The following IFT80 variants were observed in gnomAD, a reference collection of about 807,000 sequenced individuals.
IFT80 encodes intraflagellar transport protein 80 homolog.
In IFT80, 79 loss-of-function variants were observed where a neutral mutation model predicts 107.9. The ratio of observed to expected loss-of-function variants is 0.73; its 90% CI spans 0.61 to 0.88. The LOEUF is 0.88. Among genes scored for constraint, IFT80 ranks in the 40% least tolerant of loss-of-function variants. The pLI is 0.00. For synonymous variants in IFT80, 299 were observed against 300.9 expected (o/e 0.99, Z 0.07); for missense variants, 797 against 914.2 (o/e 0.87, Z 1.65).
At chr3:160,335,710 G>C (rs1217886469) in intron 8 of IFT80, among the ~76,000 whole-genome samples, 1 of 151,946 alleles carries the variant, frequency 6.6e-6, no homozygotes, top group Non-Finnish European at 1.5e-5. Context: ...TTAAAATATA[G>C]AATTCAGTAG....
chr3:160,383,473 C>T (rs1712683471), intron 2 of IFT80: 2 of 965,284 alleles, frequency 2.1e-6, no homozygotes, highest in Non-Finnish European at 2.5e-6. Flanking sequence ...TAAATCAGTG[C>T]TTTCCTAGTT....
At chr3:160,280,861 G>A (rs775551789) in intron 14 of IFT80, 47 bp from the exon 15 acceptor site, 1 of 1,513,430 alleles carries the variant, frequency 6.6e-7, no homozygotes, top group South Asian at 1.2e-5. Flanking sequence ...TAATATGTAA[G>A]AATTAAAAAT....
intron 18 of IFT80, among the ~76,000 whole-genome samples, chr3:160,274,090 T>C (rs1714044393): frequency 6.6e-6 from 1 of 152,100 alleles, no homozygotes; most frequent in Non-Finnish European, 1.5e-5. Flanking sequence ...GATATAAGGA[T>C]AGCAGGGAAA....
At chr3:160,322,034 AT>A (rs1718267503) in intron 8 of IFT80, among the ~76,000 whole-genome samples, 2 of 145,734 alleles carry the variant, frequency 1.4e-5, no homozygotes, top group African/African-American at 2.5e-5. Flanking sequence ...TTATTTATTT[AT>A]TTATTTATTA....
At chr3:160,322,003 GTTATTTATTTAT>G (rs145027648) in intron 8 of IFT80, among the ~76,000 whole-genome samples, 135 of 146,466 alleles carry the variant, frequency 9.2e-4, no homozygotes, top group East Asian at 1.0e-3. Context: ...TTGTCAGCTT[GTTATTTATTTAT>G]TTATTTATTT....
intron 8 of IFT80, among the ~76,000 whole-genome samples, chr3:160,324,356 T>C (rs925090279): frequency 2.0e-5 from 3 of 152,176 alleles, no homozygotes; most frequent in East Asian, 3.9e-4. Context: ...ATATCCTTGA[T>C]GAACATTGAT....
chr3:160,387,662 T>C (rs574136868), intron 1 of IFT80, among the ~76,000 whole-genome samples: 1 of 152,310 alleles, frequency 6.6e-6, no homozygotes, highest in African/African-American at 2.4e-5. Context: ...AGGTTTCTAT[T>C]AGACAACCCA....
intron 15 of IFT80, 81 bp downstream of exon 15, chr3:160,280,586 A>T: frequency 8.3e-7 from 1 of 1,209,330 alleles, no homozygotes; most frequent in Non-Finnish European, 1.2e-6. Context: ...ACCTTGCAGG[A>T]TTGAAAATAG....
intron 1 of IFT80, among the ~76,000 whole-genome samples, chr3:160,395,603 A>AT (rs1231534240): frequency 6.6e-6 from 1 of 152,190 alleles, no homozygotes; most frequent in Non-Finnish European, 1.5e-5. Context: ...AGAAACTCTC[A>AT]TTCCCCCTTG....
chr3:160,384,826 G>C (rs1373870254), intron 1 of IFT80, among the ~76,000 whole-genome samples, 180 bp from the exon 2 acceptor site: 1 of 152,314 alleles, frequency 6.6e-6, no homozygotes, highest in Non-Finnish European at 1.5e-5. Flanking sequence ...AAGGGATGAC[G>C]GAGAGCTTTG....
At chr3:160,282,717 A>T in intron 13 of IFT80, 104 bp from the exon 14 acceptor site, 1 of 727,554 alleles carries the variant, frequency 1.4e-6, no homozygotes, top group South Asian at 1.8e-5. Context: ...ATTAAATGTC[A>T]TTTCCCCATT....
At chr3:160,288,082 C>T (rs775347309) in intron 12 of IFT80, among the ~76,000 whole-genome samples, 1 of 152,182 alleles carries the variant, frequency 6.6e-6, no homozygotes, top group Non-Finnish European at 1.5e-5. Context: ...CAGTGGCTCA[C>T]GCCTGTAATC....
At chr3:160,300,851 T>C in intron 12 of IFT80, 32 bp downstream of exon 12, 2 of 1,545,594 alleles carry the variant, frequency 1.3e-6, no homozygotes, top group Non-Finnish European at 1.8e-6. Flanking sequence ...AAATTTCATA[T>C]TTGACAGGAA....
intron 8 of IFT80, among the ~76,000 whole-genome samples, chr3:160,353,392 C>A (rs1306220321): frequency 6.6e-6 from 1 of 152,168 alleles, no homozygotes; most frequent in East Asian, 1.9e-4. Flanking sequence ...CCCACAGCAA[C>A]CCCAAAGGAG....
At chr3:160,308,838 C>T (rs1717018456) in intron 9 of IFT80, among the ~76,000 whole-genome samples, 1 of 152,130 alleles carries the variant, frequency 6.6e-6, no homozygotes, top group African/African-American at 2.4e-5. Flanking sequence ...GCAGGTGGAG[C>T]CTTTGGAAGG....
chr3:160,353,087 C>T (rs1433400888), intron 8 of IFT80, among the ~76,000 whole-genome samples: 1 of 152,174 alleles, frequency 6.6e-6, no homozygotes, highest in Non-Finnish European at 1.5e-5. Flanking sequence ...TGTGGCCATA[C>T]TAAATTCTTA....
At chr3:160,317,048 T>G (rs2108294441) in intron 9 of IFT80, among the ~76,000 whole-genome samples, 1 of 152,226 alleles carries the variant, frequency 6.6e-6, no homozygotes, top group Middle Eastern at 3.4e-3. Flanking sequence ...CAATTACAGC[T>G]GAATTTATGA....
intron 11 of IFT80, among the ~76,000 whole-genome samples, chr3:160,303,437 G>A (rs1319046208): frequency 1.3e-5 from 2 of 152,170 alleles, no homozygotes; most frequent in South Asian, 4.1e-4. Flanking sequence ...TCACAGACCA[G>A]TAGGCCCATG....
At chr3:160,288,266 G>A (rs557682173) in intron 12 of IFT80, among the ~76,000 whole-genome samples, 9 of 152,286 alleles carry the variant, frequency 5.9e-5, no homozygotes, top group African/African-American at 1.2e-4. Flanking sequence ...CCGGGAGGCG[G>A]AGCTTGCAGT....
Sources: gnomAD v4.1 joint callset for allele counts (sites outside exome capture counted in the v4.1 genomes callset) on GRCh38, gnomAD v4.1.1 for gene constraint, MANE v1.5 for transcripts, NCBI Gene and HGNC (gene_info 2026-07-23, HGNC 2026-07-21) for gene names.